SIK2: variants seen among roughly 807,000 people sequenced by gnomAD.
The protein encoded by SIK2 is salt inducible kinase 2.
A neutral mutation model predicts 103.2 loss-of-function variants in SIK2; 29 were observed. The ratio of observed to expected loss-of-function variants is 0.28; its 90% CI spans 0.21 to 0.38. The LOEUF is 0.38. SIK2 is among the 10% of genes least tolerant of loss of function. The pLI, the probability that SIK2 is intolerant of heterozygous loss-of-function variation, is 1.00. For missense variants in SIK2, 879 were observed against 1,171.0 expected, an observed-to-expected ratio of 0.75 and a Z score of 3.64; for synonymous variants, 412 against 446.1, an observed-to-expected ratio of 0.92 and a Z score of 0.96.
intron 3 of SIK2, among the ~76,000 whole-genome samples, chr11:111,675,784 T>C (rs1942695721): frequency 6.6e-6 from 1 of 152,218 alleles, no homozygotes; most frequent in East Asian, 1.9e-4. Context: ...AGCGAGTACA[T>C]GTTCAGGTTT....
intron 3 of SIK2, among the ~76,000 whole-genome samples, chr11:111,666,325 C>T (rs1424417311): frequency 6.6e-6 from 1 of 152,050 alleles, no homozygotes; most frequent in Non-Finnish European, 1.5e-5. Flanking sequence ...TCTGTTATTT[C>T]CTGACCTGTT....
In SIK2 at chr11:111,666,511, G is replaced by A. The variant is rs559948991; in HGVS notation, c.317-21490G>A. 5.9e-5 allele frequency among the ~76,000 whole-genome samples: 9 copies of A among 152,326 alleles called. No homozygotes were observed. The South Asian group carries it at 1.7e-3, about 28-fold the overall frequency. ...GTTTAGGCTGTTGCTAGCCATAACA[G>A]ACTTTTGCAGTATAATTAAGTTAAG... On this transcript the variant is annotated intron_variant, in intron 3 of 14. Transcript: ENST00000304987.
At chr11:111,634,490 T>C (rs569928083) in intron 3 of SIK2, among the ~76,000 whole-genome samples, 1 of 152,230 alleles carries the variant, frequency 6.6e-6, no homozygotes, top group Admixed American at 6.5e-5. Context: ...GCGTCCCAGG[T>C]CAGTATTGCT....
At chr11:111,616,634 T>C (rs1002264096) in intron 2 of SIK2, among the ~76,000 whole-genome samples, 1 of 152,060 alleles carries the variant, frequency 6.6e-6, no homozygotes, top group Non-Finnish European at 1.5e-5. Context: ...GAAGATTACT[T>C]GAGTCCAGCC....
intron 3 of SIK2, among the ~76,000 whole-genome samples, chr11:111,668,186 G>GTT (rs1416692617): frequency 1.3e-5 from 2 of 151,614 alleles, no homozygotes; most frequent in African/African-American, 4.9e-5. Context: ...AGGAGTGTGT[G>GTT]TGTGTGTGTG....
chr11:111,661,748 C>T (rs888733365), intron 3 of SIK2, among the ~76,000 whole-genome samples: 2 of 152,186 alleles, frequency 1.3e-5, no homozygotes, highest in African/African-American at 2.4e-5. Context: ...AGCAAAGGCA[C>T]ATCTTACATG....
chr11:111,608,016 T>G (rs948061541), intron 1 of SIK2, among the ~76,000 whole-genome samples: 1 of 152,230 alleles, frequency 6.6e-6, no homozygotes. Context: ...GATGGCAGAT[T>G]CATTTCCTTG....
chr11:111,724,066 C>G lies in SIK2; in HGVS notation c.2718C>G (p.Leu906=). Residue 906 remains leucine, a synonymous_variant, in exon 15 of 15, where the codon CTC becomes CTG. Coordinates refer to ENST00000304987, the MANE Select transcript of SIK2 (RefSeq NM_015191.3). The stretch of plus-strand genomic sequence containing the variant: ...TAGCCCTCTCTGAGCTACCTGGACT[C>G]TTTGATTGTGAAATGCTAGACGCTG... ...DPLALSELPG[L]FDCEMLDAVD... 2 of 1,613,992 alleles carry G rather than the reference C, an allele frequency of 1.2e-6. No homozygotes were observed. Among genetic ancestry groups the G allele is most frequent in the East Asian group, 2.2e-5 (1 of 44,894 alleles).
chr11:111,611,956 C>T (rs940808454), intron 1 of SIK2, among the ~76,000 whole-genome samples: 1 of 151,952 alleles, frequency 6.6e-6, no homozygotes, highest in Admixed American at 6.6e-5. Flanking sequence ...TTTCAGTGCA[C>T]CTTTGGGGAA....
chr11:111,711,956 C>T (rs1444120097), intron 8 of SIK2, among the ~76,000 whole-genome samples: 1 of 152,228 alleles, frequency 6.6e-6, no homozygotes, highest in Non-Finnish European at 1.5e-5. Context: ...TCGTCACCTG[C>T]GTGAAAGTCA....
Position 111,602,671 on chromosome 11 carries a change from G to T in SIK2, c.108G>T (p.Leu36=). The change falls in exon 1 of 15, where the codon CTG becomes CTT. Residue 36 remains leucine, a synonymous_variant. Coordinates refer to ENST00000304987, the MANE Select transcript of SIK2 (RefSeq NM_015191.3). The surrounding 1 kb of genome is among the most constrained non-coding windows in gnomAD (Gnocchi z 4.5). ...LGKGNFAVVK[L]GRHRITKTEV... is the part of the protein sequence containing the mutation. ...AGGGCAACTTCGCTGTGGTGAAGCT[G>T]GGGCGGCACCGGATCACCAAGACGG... The T allele has an allele frequency of 6.5e-7, 1 of 1,527,838 alleles. No homozygotes were observed. Among genetic ancestry groups the T allele is most frequent in the Non-Finnish European group, 8.8e-7 (1 of 1,136,210 alleles). The allele number at this position is 1,527,838 out of a possible 1,614,324, so 94.6% of individuals were successfully genotyped here. A position where few individuals can be genotyped will look rare whatever the true frequency, so the allele number is the denominator to read the frequency against.
At chr11:111,663,129 G>T (rs1942489129) in intron 3 of SIK2, among the ~76,000 whole-genome samples, 1 of 151,650 alleles carries the variant, frequency 6.6e-6, no homozygotes, top group African/African-American at 2.4e-5. Context: ...AGCTACCCAG[G>T]AGGCTGAGGT....
At chr11:111,651,502 CG>C (rs1369067933) in intron 3 of SIK2, among the ~76,000 whole-genome samples, 2 of 151,960 alleles carry the variant, frequency 1.3e-5, no homozygotes, top group Non-Finnish European at 2.9e-5. Flanking sequence ...AGACACAGGG[CG>C]GGGAACCACA....
At chr11:111,613,332 T>C (rs1049314347) in intron 1 of SIK2, among the ~76,000 whole-genome samples, 1 of 152,148 alleles carries the variant, frequency 6.6e-6, no homozygotes, top group Non-Finnish European at 1.5e-5. Context: ...TTCTATTAGA[T>C]GGTTGTGACC....
chr11:111,688,923 GA>G lies in SIK2; in HGVS notation c.478+762del, dbSNP rs1942885915. Among the ~76,000 whole-genome samples the G allele has an allele frequency of 6.6e-6, 1 of 152,174 alleles. No homozygotes were observed. Among genetic ancestry groups the G allele is most frequent in the South Asian group, 2.1e-4 (1 of 4,830 alleles). ...TAATAAAACTGAAAAAATACAGTAT[GA>G]TAGTTGCAATTTTAAAAGTATATAC... is the stretch of plus-strand genomic sequence containing the variant. On this transcript the variant is annotated intron_variant, in intron 4 of 14. Transcript: ENST00000304987. This position sits in a 1 kb window ranked among gnomAD's most constrained non-coding sequence, Gnocchi z 4.2.
intron 3 of SIK2, among the ~76,000 whole-genome samples, chr11:111,668,299 C>G (rs190712218): frequency 1.3e-5 from 2 of 152,278 alleles, no homozygotes; most frequent in East Asian, 3.9e-4. Flanking sequence ...TTTGCAGCTT[C>G]ATAGTATTCC....
chr11:111,612,238 G>A (rs1435790239), intron 1 of SIK2, among the ~76,000 whole-genome samples: 1 of 152,136 alleles, frequency 6.6e-6, no homozygotes, highest in African/African-American at 2.4e-5. Flanking sequence ...TTGAACCTCA[G>A]TTTCAACTCA....
intron 4 of SIK2, among the ~76,000 whole-genome samples, chr11:111,690,266 G>A (rs1942913579): frequency 1.4e-5 from 2 of 141,498 alleles, no homozygotes. Context: ...TTCAGAGAAG[G>A]TCTTTCTTTT....
At chr11:111,630,217 A>G (rs1942019093) in intron 3 of SIK2, among the ~76,000 whole-genome samples, 1 of 152,186 alleles carries the variant, frequency 6.6e-6, no homozygotes, top group Non-Finnish European at 1.5e-5. Context: ...GAAGCTGGAC[A>G]CAAAAGAGTA....
Sources: allele counts gnomAD v4.1 joint callset (sites outside exome capture counted in the v4.1 genomes callset), GRCh38; gene constraint gnomAD v4.1.1; non-coding constraint Gnocchi (gnomAD v3.1); transcripts MANE v1.5; gene names NCBI Gene and HGNC (gene_info 2026-07-23, HGNC 2026-07-21).